The following SPIRE1 variants were observed in gnomAD, a reference collection of about 807,000 sequenced individuals.
The protein encoded by SPIRE1 is spire type actin nucleation factor 1.
SPIRE1 carries 40 observed loss-of-function variants against 94.1 expected under a neutral mutation model. The ratio of observed to expected loss-of-function variants is 0.43; its 90% confidence interval spans 0.33 to 0.55. The LOEUF is 0.55. Among genes scored for constraint, SPIRE1 ranks in the 20% least tolerant of loss-of-function variants. SPIRE1 has a pLI of 0.06. For missense variants in SPIRE1, 838 were observed against 975.2 expected, an observed-to-expected ratio of 0.86 and a Z score of 1.87; for synonymous variants, 376 against 371.7, an observed-to-expected ratio of 1.01 and a Z score of -0.13.
chr18:12,658,220 G>C (rs1453922035), upstream of SPIRE1: 1 of 545,990 alleles, frequency 1.8e-6, no homozygotes, highest in South Asian at 1.5e-5. Context: ...GGACCAGGCA[G>C]GAGGGCCTCG....
At chr18:12,618,325 T>C (rs866592292) in intron 2 of SPIRE1, among the ~76,000 whole-genome samples, 4 of 151,872 alleles carry the variant, frequency 2.6e-5, no homozygotes, top group Admixed American at 6.6e-5. Context: ...TGGTCTTGAT[T>C]TCCTGACCTT....
chr18:12,468,201 T>C (rs1019641764), intron 10 of SPIRE1, among the ~76,000 whole-genome samples: 2 of 152,188 alleles, frequency 1.3e-5, no homozygotes, highest in African/African-American at 2.4e-5. Flanking sequence ...AATGATTTTA[T>C]GACCACAGAT....
chr18:12,459,145 C>CA (rs2031666183), intron 12 of SPIRE1, among the ~76,000 whole-genome samples: 2 of 152,114 alleles, frequency 1.3e-5, no homozygotes, highest in Admixed American at 6.5e-5. Flanking sequence ...AAAAAAACCT[C>CA]AAAAAACAGT....
intron 1 of SPIRE1, among the ~76,000 whole-genome samples, chr18:12,645,674 C>G (rs1294836603): frequency 6.6e-6 from 1 of 152,072 alleles, no homozygotes; most frequent in Admixed American, 6.6e-5. Context: ...GTGTCTATGC[C>G]CTCCATTTTA....
chr18:12,552,528 G>A (rs1000716364), intron 2 of SPIRE1, among the ~76,000 whole-genome samples: 5 of 152,074 alleles, frequency 3.3e-5, no homozygotes, highest in Admixed American at 6.5e-5. Flanking sequence ...AAAGAGAGAA[G>A]TAAAAACTAA....
chr18:12,648,341 T>C (rs2038281551), intron 1 of SPIRE1, among the ~76,000 whole-genome samples: 1 of 152,176 alleles, frequency 6.6e-6, no homozygotes, highest in African/African-American at 2.4e-5. Context: ...TGATGTCACA[T>C]GGTTATCATG....
chr18:12,477,805 T>G (rs1381853213), intron 10 of SPIRE1, among the ~76,000 whole-genome samples: 1 of 152,104 alleles, frequency 6.6e-6, no homozygotes, highest in Non-Finnish European at 1.5e-5. Flanking sequence ...ACCGATGGGC[T>G]GTGCAGGAAG....
Position 12,506,487 on chromosome 18 carries a change from C to A in SPIRE1, c.962G>T (p.Arg321Leu). ...AGCTTGGTTACTTACCATCACTTTT[C>A]GCAAGGTGTATCTTTTGCAGCGAAT... The part of the protein sequence containing the change: ...DDIRCKRYTL[R>L]KVMVNGDIPP... Residue 321 changes from arginine to leucine, a missense_variant, in exon 6 of 17, where the codon CGA becomes CTA. By Grantham distance (102) the Arg-to-Leu change is moderately radical (BLOSUM62 -2). Around this residue, in one of 2 missense-constraint regions of SPIRE1, gnomAD observed 645 missense variants for 804.7 expected, o/e 0.80. Coordinates refer to ENST00000409402, the MANE Select transcript of SPIRE1 (RefSeq NM_001128626.2). 6.2e-7 allele frequency: 1 copy of A among 1,613,946 alleles called. No homozygotes were observed. The highest frequency in any genetic ancestry group is 8.5e-7 in the Non-Finnish European group (1 of 1,179,926).
intron 2 of SPIRE1, among the ~76,000 whole-genome samples, chr18:12,575,862 T>A (rs12954606): frequency 3.3e-5 from 5 of 152,202 alleles, no homozygotes; most frequent in Non-Finnish European, 5.9e-5. Flanking sequence ...CAACGCAATC[T>A]TAAAATCCTA....
At chr18:12,453,045 T>C (rs1258385319) in intron 14 of SPIRE1, 23 bp downstream of exon 14, 1 of 1,461,068 alleles carries the variant, frequency 6.8e-7, no homozygotes, top group Non-Finnish European at 9.3e-7. Context: ...ATTTATCTTT[T>C]CATCAATTAC....
intron 4 of SPIRE1, among the ~76,000 whole-genome samples, chr18:12,514,082 C>T (rs529787924): frequency 6.6e-6 from 1 of 152,208 alleles, no homozygotes; most frequent in East Asian, 1.9e-4. Flanking sequence ...GCTTGCGATC[C>T]CCTTGCCTCA....
chr18:12,545,059 T>C (rs1386043185), intron 3 of SPIRE1, among the ~76,000 whole-genome samples: 1 of 152,216 alleles, frequency 6.6e-6, no homozygotes, highest in African/African-American at 2.4e-5. Context: ...GTAAAATGTT[T>C]TACTCTTCAT....
chr18:12,644,653 G>A (rs1336513789), intron 1 of SPIRE1, among the ~76,000 whole-genome samples: 1 of 152,082 alleles, frequency 6.6e-6, no homozygotes, highest in Non-Finnish European at 1.5e-5. Flanking sequence ...AGCACCTAAG[G>A]CAACAAAGGT....
chr18:12,510,611 C>A (rs185491370), intron 5 of SPIRE1, among the ~76,000 whole-genome samples: 1 of 151,694 alleles, frequency 6.6e-6, no homozygotes, highest in East Asian at 1.9e-4. Context: ...GGTGCGATCT[C>A]GGCTCACCCC....
At position 12,596,823 on chromosome 18, in the gene SPIRE1, A is replaced by G. The variant is rs115186050; in HGVS notation, c.372+38239T>C. Among the ~76,000 whole-genome samples, 331 of 151,664 alleles carry G rather than the reference A, an allele frequency of 2.2e-3. 2 individuals carry two copies. The highest frequency in any genetic ancestry group is 7.2e-3 in the African/African-American group (298 of 41,338). On this transcript the variant is annotated intron_variant, in intron 2 of 16. Transcript: ENST00000409402. ...TTTGTAATTTACCTTAATTCATTAC[A>G]TGTTCCTCAAGAAGTCACTGTAGAT... is the stretch of plus-strand genomic sequence containing the variant.
At chr18:12,635,689 T>G (rs573290090) in intron 1 of SPIRE1, among the ~76,000 whole-genome samples, 1 of 152,286 alleles carries the variant, frequency 6.6e-6, no homozygotes, top group African/African-American at 2.4e-5. Context: ...ACATTAGTAT[T>G]TTTCTCCATC....
At chr18:12,556,771 T>C (rs1481038480) in intron 2 of SPIRE1, among the ~76,000 whole-genome samples, 1 of 152,094 alleles carries the variant, frequency 6.6e-6, no homozygotes, top group Admixed American at 6.5e-5. Context: ...TTACAGCTCA[T>C]AAAGGTGGTG....
intron 3 of SPIRE1, among the ~76,000 whole-genome samples, chr18:12,546,291 G>A (rs538351388): frequency 2.0e-5 from 3 of 151,752 alleles, no homozygotes; most frequent in Non-Finnish European, 4.4e-5. Context: ...GCCCAGCCTC[G>A]TTATTATTTT....
chr18:12,574,711 G>A (rs1192152902), intron 2 of SPIRE1, among the ~76,000 whole-genome samples: 1 of 152,192 alleles, frequency 6.6e-6, no homozygotes, highest in African/African-American at 2.4e-5. Context: ...ACAGCCTAAG[G>A]AGAGAATGCA....
Sources: gnomAD v4.1 joint callset for allele counts (sites outside exome capture counted in the v4.1 genomes callset) on GRCh38, gnomAD v4.1.1 for gene constraint, gnomAD v4.1.1 regional missense constraint, MANE v1.5 for transcripts, NCBI Gene and HGNC (gene_info 2026-07-23, HGNC 2026-07-21) for gene names.